HCLS1: variants seen among roughly 807,000 people sequenced by gnomAD.
The protein encoded by HCLS1 is hematopoietic lineage cell-specific protein.
Under a neutral mutation model 68.6 loss-of-function variants are expected in HCLS1, and 44 were observed. The observed-to-expected ratio is 0.64, with a 90% CI of 0.50 to 0.82. The LOEUF is 0.82. HCLS1 is among the 40% of genes least tolerant of loss of function. HCLS1 has a pLI of 0.00. For synonymous variants in HCLS1, 217 were observed against 225.8 expected, an observed-to-expected ratio of 0.96 and a Z score of 0.35; for missense variants, 602 against 612.1, an observed-to-expected ratio of 0.98 and a Z score of 0.17.
Position 121,640,587 on chromosome 3 carries a change from T to C in HCLS1, c.454+2340A>G, listed in dbSNP as rs150763892. Among the ~76,000 whole-genome samples the C allele has an allele frequency of 1.9e-3, 293 of 151,622 alleles. 9 individuals carry two copies. The East Asian group carries it at 0.049, about 25-fold the overall frequency. On this transcript the variant is annotated intron_variant, in intron 6 of 13. Transcript: ENST00000314583. The stretch of plus-strand genomic sequence containing the variant: ...ACCATAATGAAACCATAATGTCTTA[T>C]GGAAAATGAATCAGCAGATATGCAA...
At chr3:121,635,273 C>G (rs991189127) in intron 9 of HCLS1, among the ~76,000 whole-genome samples, 10 of 141,144 alleles carry the variant, frequency 7.1e-5, no homozygotes, top group Non-Finnish European at 1.1e-4. Flanking sequence ...CTCTCTCTCT[C>G]TCCTCTCTCT....
chr3:121,658,077 C>A (rs1364958905), intron 2 of HCLS1, 187 bp downstream of exon 2: 14 of 567,510 alleles, frequency 2.5e-5, no homozygotes, highest in Non-Finnish European at 4.5e-5. Context: ...TCTTTTCATC[C>A]CTGATACCAG....
At chr3:121,650,093 A>G (rs1937709496) in intron 3 of HCLS1, among the ~76,000 whole-genome samples, 1 of 152,244 alleles carries the variant, frequency 6.6e-6, no homozygotes, top group South Asian at 2.1e-4. Flanking sequence ...ATGAAATAAC[A>G]TGAAACATTT....
In HCLS1 at chr3:121,642,920, T is replaced by C. The variant is rs767748750; in HGVS notation, c.454+7A>G. On this transcript the variant is annotated splice_region_variant and intron_variant, in intron 6 of 13. Transcript: ENST00000314583. ...TGCTGAGGCTGAGTGAAGTACAGTG[T>C]CCTTGCCTTTCTGAGATGTGTGCTT... 11 of 1,609,938 alleles carry C rather than the reference T, an allele frequency of 6.8e-6. No individual in the cohort carries two copies. The highest frequency in any genetic ancestry group is 9.4e-6 in the Non-Finnish European group (11 of 1,176,334).
intron 3 of HCLS1, 70 bp downstream of exon 3, chr3:121,657,209 C>T (rs1937890895): frequency 4.5e-6 from 6 of 1,334,948 alleles, no homozygotes; most frequent in Non-Finnish European, 6.4e-6. Context: ...CACCTTCCCC[C>T]AAGTCTCCGA....
chr3:121,656,405 A>G (rs1306146983), intron 3 of HCLS1: 1 of 152,138 alleles, frequency 6.6e-6, no homozygotes, highest in South Asian at 2.1e-4. Context: ...CCTTGCTACT[A>G]ATGTTTGACA....
intron 3 of HCLS1, among the ~76,000 whole-genome samples, chr3:121,649,301 T>C (rs1282595748): frequency 6.6e-6 from 1 of 152,196 alleles, no homozygotes; most frequent in Non-Finnish European, 1.5e-5. Context: ...AGTGGTATGA[T>C]CTCAGCTCAC....
intron 3 of HCLS1, among the ~76,000 whole-genome samples, chr3:121,653,219 G>T (rs908901383): frequency 6.6e-6 from 1 of 152,182 alleles, no homozygotes. Flanking sequence ...TTGTGCACCT[G>T]TATTTTGACT....
chr3:121,650,302 T>C (rs1018232848), intron 3 of HCLS1, among the ~76,000 whole-genome samples: 20 of 152,090 alleles, frequency 1.3e-4, no homozygotes, highest in African/African-American at 4.8e-4. Context: ...GGCATTCTTG[T>C]AGGAATTGAC....
At chr3:121,651,515 C>A (rs1027821382) in intron 3 of HCLS1, among the ~76,000 whole-genome samples, 2 of 152,146 alleles carry the variant, frequency 1.3e-5, no homozygotes, top group Non-Finnish European at 2.9e-5. Context: ...TGGCTCACTG[C>A]AGCCTCAACC....
At chr3:121,643,170 CACAG>C (rs2049217022) in intron 5 of HCLS1, 189 bp from the exon 6 acceptor site, 3 of 511,678 alleles carry the variant, frequency 5.9e-6, no homozygotes, top group Admixed American at 3.1e-5. Flanking sequence ...AGGCCCTGGA[CACAG>C]ACAGTTTTAG....
rs76253170 is a variant in HCLS1 at position 121,660,174 on chromosome 3, T to G, written c.-1+646A>C. ...AGAGTAGGTACTCATTTGCCAGGTA[T>G]CAGACCAGGCGATTAAGAAATACTA... On this transcript the variant is annotated intron_variant, in intron 1 of 13. Transcript: ENST00000314583. Among the ~76,000 whole-genome samples, 923 of 152,282 alleles carry G rather than the reference T, an allele frequency of 6.1e-3. 17 individuals carry two copies. Among genetic ancestry groups the G allele is most frequent in the African/African-American group, 0.021 (888 of 41,554 alleles).
chr3:121,639,527 TTTTTTGTTGTTG>T (rs1285713551), intron 6 of HCLS1, among the ~76,000 whole-genome samples: 4 of 141,200 alleles, frequency 2.8e-5, no homozygotes, highest in Non-Finnish European at 4.5e-5. Context: ...AATGATTTTA[TTTTTTGTTGTTG>T]TTGTTGTTGT....
Position 121,634,282 on chromosome 3 carries a change from A to G in HCLS1, c.828T>C (p.Pro276=), listed in dbSNP as rs1163555857. The G allele has an allele frequency of 6.2e-7, 1 of 1,613,996 alleles. No homozygotes were observed. The highest frequency in any genetic ancestry group is 2.2e-5 in the East Asian group (1 of 44,888). Residue 276 remains proline, a synonymous_variant, in exon 10 of 14, where the codon CCT becomes CCC. Coordinates refer to ENST00000314583, the MANE Select transcript of HCLS1 (RefSeq NM_005335.6). ...TAGCTATCACTGGCTGTGGAGCCTC[A>G]GGGCTCCTCTTTGTCACAGCCTTTC... is the stretch of plus-strand genomic sequence containing the variant. ...QERKAVTKRS[P]EAPQPVIAME... is the part of the protein sequence containing the mutation.
At chr3:121,639,969 A>G (rs1048525818) in intron 6 of HCLS1, among the ~76,000 whole-genome samples, 1 of 152,208 alleles carries the variant, frequency 6.6e-6, no homozygotes, top group African/African-American at 2.4e-5. Context: ...AAAATTAGCA[A>G]AGCCAAAAGC....
intron 3 of HCLS1, among the ~76,000 whole-genome samples, chr3:121,650,858 C>T (rs1475718929): frequency 2.6e-5 from 4 of 152,202 alleles, no homozygotes; most frequent in South Asian, 2.1e-4. Flanking sequence ...GAAAAAGTGG[C>T]CAGGTGTGGT....
At chr3:121,657,072 G>T in intron 3 of HCLS1, 1 of 493,844 alleles carries the variant, frequency 2.0e-6, no homozygotes, top group African/African-American at 1.9e-5. Context: ...ATAGGGTTGA[G>T]GAGGGTAAGA....
intron 3 of HCLS1, 87 bp downstream of exon 3, chr3:121,657,192 C>A: frequency 9.1e-7 from 1 of 1,093,416 alleles, no homozygotes; most frequent in East Asian, 2.4e-5. Flanking sequence ...CTATCCTTTT[C>A]CTCCCTCACC....
intron 3 of HCLS1, 170 bp from the exon 4 acceptor site, chr3:121,647,618 T>C (rs187380708): frequency 2.2e-4 from 123 of 569,998 alleles, no homozygotes; most frequent in Admixed American, 6.3e-4. Flanking sequence ...CTGGCCTGCA[T>C]ACCATAGCCT....
Sources: allele counts gnomAD v4.1 joint callset (sites outside exome capture counted in the v4.1 genomes callset), GRCh38; gene constraint gnomAD v4.1.1; transcripts MANE v1.5; gene names NCBI Gene and HGNC (gene_info 2026-07-23, HGNC 2026-07-21).